The following DOCK9 variants were observed in gnomAD, a reference collection of about 807,000 sequenced individuals.
DOCK9 encodes dedicator of cytokinesis 9, also known as dedicator of cytokinesis protein 9.
Under a neutral mutation model 263.3 loss-of-function variants are expected in DOCK9, and 89 were observed. The ratio of observed to expected loss-of-function variants is 0.34; its 90% CI spans 0.28 to 0.40. The LOEUF (loss-of-function observed/expected upper bound fraction) is 0.40. Ranked by LOEUF, DOCK9 falls within the 10% of genes least tolerant of loss-of-function variation. The probability of loss-of-function intolerance (pLI) is 1.00; values close to 1 mark genes in which losing one functional copy is unlikely to be tolerated. For synonymous variants in DOCK9, 976 were observed against 973.1 expected, an observed-to-expected ratio of 1.00 and a Z score of -0.06; for missense variants, 2,140 against 2,603.4, an observed-to-expected ratio of 0.82 and a Z score of 3.87.
At position 98,923,729 on chromosome 13, in the gene DOCK9, C is replaced by T. The variant is rs141825374; in HGVS notation, c.417-358G>A. Among the ~76,000 whole-genome samples, 1,054 of 152,208 alleles carry T rather than the reference C, an allele frequency of 6.9e-3. 16 individuals carry two copies. The highest frequency in any genetic ancestry group is 0.045 in the South Asian group (217 of 4,816). ...GAAGATTGAGTTGTTGCGTTGAAAC[C>T]GATTAACAATGATGGTATTAACCAC... On this transcript the variant is annotated intron_variant, in intron 4 of 52. Transcript: ENST00000682017.
Position 98,921,046 on chromosome 13 carries a change from C to T in DOCK9, c.625G>A (p.Gly209Arg). 6.2e-7 allele frequency: 1 copy of T among 1,602,104 alleles called. No homozygotes were observed. The highest frequency in any genetic ancestry group is 8.5e-7 in the Non-Finnish European group (1 of 1,173,632). Residue 209 changes from glycine to arginine, a missense_variant, in exon 7 of 53, where the codon GGA becomes AGA. Coordinates refer to ENST00000682017, the MANE Select transcript of DOCK9 (RefSeq NM_001366683.2). ...TTATAAAAATTCAAATTATAGGATC[C>T]ATCGCCAAGTTGAATCAGGTGGAAA... ...RFFHLIQLGD[G>R]SYNLNFYKDE...
Position 98,794,103 on chromosome 13 carries a change from C to T in DOCK9, c.*523G>A, listed in dbSNP as rs1309781172. 6.5e-6 allele frequency: 1 copy of T among 152,754 alleles called. No homozygotes were observed. The highest frequency in any genetic ancestry group is 2.4e-5 in the African/African-American group (1 of 41,440). The allele number at this position is 152,754 out of a possible 1,614,324, so 9.5% of individuals were successfully genotyped here. A position where few individuals can be genotyped will look rare whatever the true frequency, so the allele number is the denominator to read the frequency against. ...AAATGAATATAAAAGCACTAAATCT[C>T]CTGGTTCACTGGTACAAAAATTACA... is the stretch of plus-strand genomic sequence containing the variant. On this transcript the variant is annotated 3_prime_UTR_variant, in exon 53 of 53. Coordinates refer to ENST00000682017, the MANE Select transcript of DOCK9 (RefSeq NM_001366683.2).
In DOCK9 at chr13:98,805,017, G is replaced by A. The variant is rs748543595; in HGVS notation, c.5707C>T (p.Arg1903Trp). The change falls in exon 49 of 53, where the codon CGG (arginine) becomes TGG (tryptophan). Residue 1903 changes from arginine to tryptophan, a missense_variant. Arg to Trp is a moderately radical substitution (Grantham distance 101). This residue lies in a region of DOCK9 where 619 missense variants were observed against 861.8 expected (regional missense o/e 0.72). Coordinates refer to ENST00000682017, the MANE Select transcript of DOCK9 (RefSeq NM_001366683.2). ...RQGGVEEQCK[R>W]RTILTAIHCF... ...CCCATACCTGTCAGGATGGTGCGCC[G>A]TTTGCACTGCTCTTCCACCCCGCCC... 8 of 1,606,792 alleles carry A rather than the reference G, an allele frequency of 5.0e-6. No individual in the cohort carries two copies. The highest frequency in any genetic ancestry group is 2.2e-5 in the East Asian group (1 of 44,654).
At chr13:98,812,080 G>A (rs1003518867) in intron 45 of DOCK9, among the ~76,000 whole-genome samples, 1 of 139,212 alleles carries the variant, frequency 7.2e-6, no homozygotes, top group Non-Finnish European at 1.5e-5. Flanking sequence ...TGGACTCTCT[G>A]TTTTGTTCCA....
intron 2 of DOCK9, among the ~76,000 whole-genome samples, chr13:98,943,803 G>T (rs948483455): frequency 2.6e-5 from 4 of 151,870 alleles, no homozygotes; most frequent in African/African-American, 9.7e-5. Flanking sequence ...TCTATTTAGG[G>T]GAAAAAAAGC....
At chr13:98,826,014 G>A in intron 44 of DOCK9, 2 of 1,283,906 alleles carry the variant, frequency 1.6e-6, no homozygotes, top group East Asian at 3.0e-5. Flanking sequence ...TGAACATGGA[G>A]CCCTTTCAAA....
At chr13:99,010,013 A>G (rs1168832793) in intron 1 of DOCK9, among the ~76,000 whole-genome samples, 3 of 151,372 alleles carry the variant, frequency 2.0e-5, no homozygotes, top group African/African-American at 7.3e-5. Flanking sequence ...AAAAAAAAAA[A>G]GAGAGAGAAA....
chr13:98,829,332 T>A lies in DOCK9; in HGVS notation c.4940A>T (p.His1647Leu). Residue 1647 changes from histidine to leucine, a missense_variant, in exon 43 of 53, where the codon CAT (histidine) becomes CTT (leucine). This residue lies in a region of DOCK9 where 619 missense variants were observed against 861.8 expected (regional missense o/e 0.72). Transcript: ENST00000682017. This position sits in a 1 kb window ranked among gnomAD's most constrained non-coding sequence, Gnocchi z 4.1. ...CTCTGAGAGATCGCCATTTTTGACA[T>A]GGATCCTGGCCATGCTGTCGAGCCA... ...KTWLDSMARI[H>L]VKNGDLSEAA... is the part of the protein sequence containing the mutation. 1 of 1,613,052 alleles carries A rather than the reference T, an allele frequency of 6.2e-7. No individual in the cohort carries two copies. The highest frequency in any genetic ancestry group is 8.5e-7 in the Non-Finnish European group (1 of 1,179,584).
At chr13:98,812,920 C>A (rs1426651307) in intron 45 of DOCK9, among the ~76,000 whole-genome samples, 1 of 152,142 alleles carries the variant, frequency 6.6e-6, no homozygotes, top group African/African-American at 2.4e-5. Flanking sequence ...ATTTTTTATG[C>A]TATTGTAAAT....
chr13:99,084,404 G>A (rs1271153481), intron 1 of DOCK9, among the ~76,000 whole-genome samples: 1 of 152,218 alleles, frequency 6.6e-6, no homozygotes, highest in Non-Finnish European at 1.5e-5. Context: ...GGTTTCATCA[G>A]ACAAGTGACC....
chr13:99,008,955 G>C (rs1027085632), intron 1 of DOCK9, among the ~76,000 whole-genome samples: 1 of 152,166 alleles, frequency 6.6e-6, no homozygotes, highest in African/African-American at 2.4e-5. Flanking sequence ...TCAGTCCATT[G>C]CAACTTGTTA....
rs1035271139 is a variant in DOCK9, at chr13:98,794,295, A to G, written c.*331T>C. On this transcript the variant is annotated 3_prime_UTR_variant, in exon 53 of 53. Coordinates refer to ENST00000682017, the MANE Select transcript of DOCK9 (RefSeq NM_001366683.2). ...CAGTGCAGCCCTCCCTGCCATGTAGATCCCAGAACCTTTTTTTTCTGTAGG... is the reference window on the plus strand; with the variant it reads ...CAGTGCAGCCCTCCCTGCCATGTAGGTCCCAGAACCTTTTTTTTCTGTAGG... 1 of 252,154 alleles carries G rather than the reference A, an allele frequency of 4.0e-6. No individual in the cohort carries two copies. The highest frequency in any genetic ancestry group is 7.5e-6 in the Non-Finnish European group (1 of 133,724). 15.6% of individuals were successfully genotyped at this position (252,154 alleles called of 1,614,324 possible).
At chr13:98,824,345 C>T in intron 45 of DOCK9, 53 bp downstream of exon 45, 1 of 1,530,746 alleles carries the variant, frequency 6.5e-7, no homozygotes, top group Non-Finnish European at 9.0e-7. Flanking sequence ...ATGCAAACAG[C>T]AGGCTCCCAG....
chr13:98,864,551 A>C (rs1312166245), intron 30 of DOCK9, among the ~76,000 whole-genome samples: 1 of 152,204 alleles, frequency 6.6e-6, no homozygotes, highest in Non-Finnish European at 1.5e-5. Flanking sequence ...CATTTTCTAG[A>C]TTATGTTCAT....
Position 98,977,923 on chromosome 13 carries a change from C to A in DOCK9, c.-14G>T. On this transcript the variant is annotated 5_prime_UTR_variant, in exon 1 of 53. Transcript: ENST00000682017. ...ATCAGCCTGCATTCTCGGCTGAAAA[C>A]GCAAGTCAGAAAGTCTGCAACTGGA... 1 of 1,569,992 alleles carries A rather than the reference C, an allele frequency of 6.4e-7. No individual in the cohort carries two copies. Among genetic ancestry groups the A allele is most frequent in the Non-Finnish European group, 8.6e-7 (1 of 1,156,352 alleles).
intron 2 of DOCK9, among the ~76,000 whole-genome samples, chr13:98,940,719 G>T (rs2055688239): frequency 6.6e-6 from 1 of 151,936 alleles, no homozygotes. Flanking sequence ...ACTGGCACCT[G>T]CATGGTCCCC....
intron 33 of DOCK9, chr13:98,859,328 T>G (rs1419686173): frequency 6.6e-6 from 1 of 152,230 alleles, no homozygotes; most frequent in African/African-American, 2.4e-5. Context: ...TTAACTCTTT[T>G]AATCTTTACA....
chr13:99,049,414 A>T (rs1358014301), intron 1 of DOCK9, among the ~76,000 whole-genome samples: 1 of 152,176 alleles, frequency 6.6e-6, no homozygotes, highest in Non-Finnish European at 1.5e-5. Context: ...CTAGCTGGGC[A>T]TGGTGGCAAA....
At position 98,794,313 on chromosome 13, in the gene DOCK9, T is replaced by A; in HGVS notation, c.*313A>T. The A allele has an allele frequency of 3.5e-6, 1 of 285,428 alleles. No individual in the cohort carries two copies. Among genetic ancestry groups the A allele is most frequent in the Non-Finnish European group, 6.4e-6 (1 of 155,346 alleles). The allele number at this position is 285,428 out of a possible 1,614,324, so 17.7% of individuals were successfully genotyped here. A position where few individuals can be genotyped will look rare whatever the true frequency, so the allele number is the denominator to read the frequency against. Reference sequence around the variant, plus strand: ...CATGTAGATCCCAGAACCTTTTTTTTCTGTAGGCCATCTATTCTAACACTA... The same window carrying A: ...CATGTAGATCCCAGAACCTTTTTTTACTGTAGGCCATCTATTCTAACACTA... On this transcript the variant is annotated 3_prime_UTR_variant, in exon 53 of 53. Coordinates refer to ENST00000682017, the MANE Select transcript of DOCK9 (RefSeq NM_001366683.2).
Sources: allele counts gnomAD v4.1 joint callset (sites outside exome capture counted in the v4.1 genomes callset), GRCh38; gene constraint gnomAD v4.1.1; regional missense constraint gnomAD v4.1.1; non-coding constraint Gnocchi (gnomAD v3.1); transcripts MANE v1.5; gene names NCBI Gene and HGNC (gene_info 2026-07-23, HGNC 2026-07-21).